RBFOX1: variants seen among roughly 807,000 people sequenced by gnomAD.
RBFOX1 encodes the protein RNA binding protein fox-1 homolog 1.
Under a neutral mutation model 57.7 loss-of-function variants are expected in RBFOX1, and 8 were observed. That is an observed-to-expected ratio of 0.14 (90% CI 0.08 to 0.25). The LOEUF (loss-of-function observed/expected upper bound fraction) is 0.25, where lower values mean the gene tolerates loss of function less well. Among genes scored for constraint, RBFOX1 ranks in the 10% least tolerant of loss-of-function variants. The pLI, the probability that RBFOX1 is intolerant of heterozygous loss-of-function variation, is 1.00. For synonymous variants in RBFOX1, 326 were observed against 222.4 expected (o/e 1.47, Z -4.15); for missense variants, 611 against 548.5 (o/e 1.11, Z -1.14).
rs115155558 is a variant in RBFOX1, at chr16:6,866,422, T to C, written c.-15-185635T>C. ...AAACCTTATCCATCATCTCCATGAC[T>C]TCTAGTGTCTTTCCCATCTGCATCT... On this transcript the variant is annotated intron_variant, in intron 3 of 15. Transcript: ENST00000550418. Among the ~76,000 whole-genome samples, 933 of 152,090 alleles carry C rather than the reference T, an allele frequency of 6.1e-3. 14 individuals carry two copies. Among genetic ancestry groups the C allele is most frequent in the African/African-American group, 0.021 (884 of 41,502 alleles).
intron 3 of RBFOX1, among the ~76,000 whole-genome samples, chr16:7,023,929 C>A (rs2153679434): frequency 6.6e-6 from 1 of 152,230 alleles, no homozygotes. Context: ...AGACTCCCTG[C>A]TTTTGATTCC....
intron 10 of RBFOX1, among the ~76,000 whole-genome samples, chr16:7,610,497 A>C (rs1372512297): frequency 6.6e-6 from 1 of 152,102 alleles, no homozygotes; most frequent in African/African-American, 2.4e-5. Context: ...ATCATTCTGT[A>C]TGATTCCAGC....
intron 4 of RBFOX1, among the ~76,000 whole-genome samples, chr16:7,079,060 C>T (rs1306053141): frequency 1.3e-5 from 2 of 151,724 alleles, no homozygotes; most frequent in African/African-American, 4.8e-5. Context: ...TGGTTCAACT[C>T]ATGACAGCCT....
chr16:6,851,914 A>G (rs1485461332), intron 3 of RBFOX1, among the ~76,000 whole-genome samples: 1 of 142,694 alleles, frequency 7.0e-6, no homozygotes, highest in Non-Finnish European at 1.5e-5. Context: ...ACGGTGTATT[A>G]GTTTCCATTG....
chr16:6,598,083 T>G (rs996476461), intron 2 of RBFOX1, among the ~76,000 whole-genome samples: 2 of 152,220 alleles, frequency 1.3e-5, no homozygotes, highest in African/African-American at 2.4e-5. Context: ...CTGGTACTTG[T>G]GGCAGAAGGC....
intron 3 of RBFOX1, among the ~76,000 whole-genome samples, chr16:6,720,160 C>A (rs1026122455): frequency 6.6e-6 from 1 of 152,018 alleles, no homozygotes; most frequent in Non-Finnish European, 1.5e-5. Flanking sequence ...AGCAAAATAT[C>A]TGACACAGGG....
intron 4 of RBFOX1, among the ~76,000 whole-genome samples, chr16:5,878,954 G>A (rs1020920064): frequency 2.3e-4 from 35 of 152,126 alleles, no homozygotes; most frequent in African/African-American, 7.7e-4. Context: ...CATCTGACGC[G>A]TTTTACATGT....
rs186410504 is a variant in RBFOX1 at position 6,563,216 on chromosome 16, C to G, written c.-63-91387C>G. Among the ~76,000 whole-genome samples the G allele has an allele frequency of 2.5e-3, 380 of 152,258 alleles. 1 individual carries two copies. The highest frequency in any genetic ancestry group is 8.5e-3 in the African/African-American group (354 of 41,552). On this transcript the variant is annotated intron_variant, in intron 2 of 15. Transcript: ENST00000550418. Reference sequence around the variant, plus strand: ...AGTTCTAGTCCATGGCACTGCGTGACTTCCAAGACAATTTTAGCATCCTGT... The same window carrying G: ...AGTTCTAGTCCATGGCACTGCGTGAGTTCCAAGACAATTTTAGCATCCTGT...
intron 2 of RBFOX1, among the ~76,000 whole-genome samples, chr16:6,371,236 A>G (rs947544853): frequency 2.6e-5 from 4 of 152,162 alleles, no homozygotes; most frequent in Non-Finnish European, 5.9e-5. Flanking sequence ...TCAATCCTTC[A>G]TTCACTAGTT....
chr16:5,943,168 C>T (rs868411541), intron 4 of RBFOX1, among the ~76,000 whole-genome samples: 2 of 152,206 alleles, frequency 1.3e-5, no homozygotes, highest in African/African-American at 2.4e-5. Flanking sequence ...TCCATATGCC[C>T]AAGCCAGTGC....
intron 1 of RBFOX1, among the ~76,000 whole-genome samples, chr16:5,346,273 T>C (rs2065137563): frequency 6.6e-6 from 1 of 152,132 alleles, no homozygotes; most frequent in African/African-American, 2.4e-5. Context: ...AAAAAAGTCT[T>C]ATAGAGCTGT....
chr16:7,313,164 G>C (rs576149653), intron 4 of RBFOX1, among the ~76,000 whole-genome samples: 1 of 152,178 alleles, frequency 6.6e-6, no homozygotes, highest in Admixed American at 6.5e-5. Flanking sequence ...CCTGAAAGTG[G>C]CTTTGCTTTG....
chr16:6,834,331 C>G (rs573068654), intron 3 of RBFOX1, among the ~76,000 whole-genome samples: 1 of 152,122 alleles, frequency 6.6e-6, no homozygotes, highest in Admixed American at 6.5e-5. Flanking sequence ...CCACCTCGGC[C>G]TCCCAAATTT....
At chr16:6,621,729 C>A (rs997233244) in intron 2 of RBFOX1, among the ~76,000 whole-genome samples, 1 of 152,166 alleles carries the variant, frequency 6.6e-6, no homozygotes, top group Non-Finnish European at 1.5e-5. Flanking sequence ...GCTCTGATCA[C>A]CTGGCCTGAC....
chr16:5,811,453 ATTT>A (rs56359632), intron 3 of RBFOX1, among the ~76,000 whole-genome samples: 25 of 143,060 alleles, frequency 1.7e-4, no homozygotes, highest in Non-Finnish European at 1.8e-4. Context: ...GGAACAAAGT[ATTT>A]TTTTTTTTTT....
chr16:6,172,495 C>G (rs1427616126), intron 1 of RBFOX1, among the ~76,000 whole-genome samples: 2 of 152,136 alleles, frequency 1.3e-5, no homozygotes, highest in Admixed American at 6.5e-5. Context: ...CCCCTGTGGC[C>G]CCCTGTAGTG....
At chr16:7,690,478 G>C (rs2077078755) in intron 14 of RBFOX1, among the ~76,000 whole-genome samples, 1 of 152,048 alleles carries the variant, frequency 6.6e-6, no homozygotes, top group Non-Finnish European at 1.5e-5. Context: ...AGCCAGACTT[G>C]TTTTATGAAC....
At chr16:6,644,394 A>C (rs1298493722) in intron 2 of RBFOX1, among the ~76,000 whole-genome samples, 1 of 152,244 alleles carries the variant, frequency 6.6e-6, no homozygotes, top group Non-Finnish European at 1.5e-5. Flanking sequence ...CCGTTCTGCT[A>C]TAACATTTAT....
intron 4 of RBFOX1, among the ~76,000 whole-genome samples, chr16:7,218,331 A>C (rs182928240): frequency 6.6e-6 from 1 of 152,170 alleles, no homozygotes; most frequent in East Asian, 1.9e-4. Context: ...CATCATCAGT[A>C]TATTGTTTTC....
Sources: allele counts gnomAD v4.1 joint callset (sites outside exome capture counted in the v4.1 genomes callset), GRCh38; gene constraint gnomAD v4.1.1; transcripts MANE v1.5; gene names NCBI Gene and HGNC (gene_info 2026-07-23, HGNC 2026-07-21).